The following LIN28B variants were observed in gnomAD, a reference collection of about 807,000 sequenced individuals.
LIN28B encodes protein lin-28 homolog B.
LIN28B carries 5 observed loss-of-function variants against 21.9 expected under a neutral mutation model. That is an observed-to-expected ratio of 0.23 (90% CI 0.12 to 0.48). LIN28B has a LOEUF of 0.48. LIN28B is among the 20% of genes least tolerant of loss of function. LIN28B has a pLI of 0.98. For missense variants in LIN28B, 245 were observed against 310.5 expected (o/e 0.79, Z 1.58); for synonymous variants, 109 against 111.3 (o/e 0.98, Z 0.13).
intron 3 of LIN28B, chr6:104,950,623 C>A (rs1778210045): frequency 1.8e-6 from 1 of 557,494 alleles, no homozygotes; most frequent in Non-Finnish European, 2.7e-6. Flanking sequence ...ATCCTTTCTA[C>A]TTTGGCAAGA....
chr6:104,958,763 T>C (rs1441089598), intron 2 of LIN28B, among the ~76,000 whole-genome samples: 2 of 152,202 alleles, frequency 1.3e-5, no homozygotes, highest in Admixed American at 1.3e-4. Flanking sequence ...TCGCTGCCTG[T>C]CCTGTAATCA....
chr6:105,063,816 G>A (rs1012790451), intron 3 of LIN28B, among the ~76,000 whole-genome samples: 2 of 148,462 alleles, frequency 1.3e-5, no homozygotes, highest in Admixed American at 6.9e-5. Context: ...AGTCCAGCCT[G>A]GGCAACATAG....
At chr6:104,966,261 T>G (rs1582868533) in intron 2 of LIN28B, among the ~76,000 whole-genome samples, 1 of 152,214 alleles carries the variant, frequency 6.6e-6, no homozygotes, top group East Asian at 1.9e-4. Context: ...GGCTGGTCAC[T>G]TCCAGGGAGC....
At chr6:105,043,985 C>T (rs770413366) in intron 3 of LIN28B, among the ~76,000 whole-genome samples, 9 of 152,084 alleles carry the variant, frequency 5.9e-5, no homozygotes, top group African/African-American at 2.2e-4. Flanking sequence ...ATAACTATAT[C>T]CTCTATGATA....
chr6:105,070,953 T>C (rs183584822), intron 3 of LIN28B, among the ~76,000 whole-genome samples: 1 of 152,242 alleles, frequency 6.6e-6, no homozygotes, highest in Admixed American at 6.5e-5. Context: ...CTCAGCTCAC[T>C]GCAACCTCTG....
At chr6:105,040,907 C>G (rs149246) in intron 3 of LIN28B, among the ~76,000 whole-genome samples, 1 of 151,738 alleles carries the variant, frequency 6.6e-6, no homozygotes, top group Admixed American at 6.6e-5. Context: ...TTATTTATTT[C>G]TTTTATTTTT....
At chr6:104,948,389 C>T (rs1299828027) in intron 2 of LIN28B, among the ~76,000 whole-genome samples, 1 of 152,158 alleles carries the variant, frequency 6.6e-6, no homozygotes, top group Non-Finnish European at 1.5e-5. Context: ...ATCGCTTAAA[C>T]CCAGGAGGCA....
chr6:105,024,284 G>T (rs1050164982), intron 2 of LIN28B, among the ~76,000 whole-genome samples: 24 of 151,964 alleles, frequency 1.6e-4, no homozygotes, highest in Admixed American at 1.4e-3. Context: ...GAGCTACCGC[G>T]CTTAGCCCAG....
intron 3 of LIN28B, among the ~76,000 whole-genome samples, chr6:105,056,746 G>C (rs1201000920): frequency 2.6e-5 from 4 of 152,096 alleles, no homozygotes; most frequent in African/African-American, 9.7e-5. Context: ...CCAGTATCCT[G>C]TCCCAAGAAT....
chr6:105,004,688 G>A (rs759212179), intron 2 of LIN28B, among the ~76,000 whole-genome samples: 4 of 152,004 alleles, frequency 2.6e-5, no homozygotes, highest in South Asian at 2.1e-4. Flanking sequence ...CAACTTTTAG[G>A]GTTATAATTG....
At position 105,008,843 on chromosome 6, in the gene LIN28B, G is replaced by T. The variant is rs193222289; in HGVS notation, c.199-17455G>T. Among the ~76,000 whole-genome samples the T allele has an allele frequency of 2.5e-3, 382 of 152,084 alleles. 8 individuals carry two copies. The highest frequency in any genetic ancestry group is 0.023 in the Admixed American group (354 of 15,270). ...TTTCTTTTTAAATGTCCTGATTTTG[G>T]TTAAAAACAAAAAGGAAACCACTTC... is the stretch of plus-strand genomic sequence containing the variant. On this transcript the variant is annotated intron_variant, in intron 2 of 3. Coordinates refer to ENST00000345080, the MANE Select transcript of LIN28B (RefSeq NM_001004317.4).
chr6:104,956,650 A>G (rs1182398733), upstream of LIN28B, among the ~76,000 whole-genome samples: 1 of 152,202 alleles, frequency 6.6e-6, no homozygotes, highest in Non-Finnish European at 1.5e-5. Flanking sequence ...TGAATTAAAT[A>G]TGAAATTAGC....
rs190603878 is a variant in LIN28B, at chr6:104,971,749, A to C, written c.198+13463A>C. On this transcript the variant is annotated intron_variant, in intron 2 of 3. Coordinates refer to ENST00000345080, the MANE Select transcript of LIN28B (RefSeq NM_001004317.4). ...GTTTCAACTTCTGTTTACTTAGTTA[A>C]ATTTAAATTTTTATTGATATTTTAA... Among the ~76,000 whole-genome samples the C allele has an allele frequency of 5.9e-3, 901 of 152,198 alleles. 7 individuals carry two copies. The highest frequency in any genetic ancestry group is 0.021 in the African/African-American group (853 of 41,540).
chr6:105,072,837 A>C (rs1188329949), intron 3 of LIN28B, among the ~76,000 whole-genome samples: 3 of 152,200 alleles, frequency 2.0e-5, no homozygotes, highest in Non-Finnish European at 4.4e-5. Flanking sequence ...ACTATTAAAG[A>C]GACTTACTAG....
At chr6:104,948,382 G>T (rs996726683) in intron 2 of LIN28B, among the ~76,000 whole-genome samples, 1 of 152,092 alleles carries the variant, frequency 6.6e-6, no homozygotes, top group East Asian at 1.9e-4. Context: ...CAGGAGAATC[G>T]CTTAAACCCA....
intron 2 of LIN28B, among the ~76,000 whole-genome samples, chr6:104,997,519 T>C (rs1157312810): frequency 6.6e-6 from 1 of 151,614 alleles, no homozygotes; most frequent in African/African-American, 2.4e-5. Context: ...TATAATATAG[T>C]ACCAACAAAA....
At position 105,026,360 on chromosome 6, in the gene LIN28B, TA is replaced by T; in HGVS notation, c.267del (p.Lys89AsnfsTer11). 1 of 1,612,012 alleles carries T rather than the reference TA, an allele frequency of 6.2e-7. No homozygotes were observed. ...AAGGAGAACCAGTGGAATTCACATT[TA>T]AAAAATCTTCCAAAGGCCTTGAGTC... ...KEGEPVEFTF[K>X]KSSKGLESIR... On this transcript the variant is annotated frameshift_variant, in exon 3 of 4. Coordinates refer to ENST00000345080, the MANE Select transcript of LIN28B (RefSeq NM_001004317.4). LOFTEE classifies it high-confidence loss of function.
chr6:105,041,191 T>C (rs160594), intron 3 of LIN28B, among the ~76,000 whole-genome samples: 120,313 of 152,120 alleles, frequency 0.79, 47,719 homozygotes, highest in East Asian at 0.96. Flanking sequence ...GGATTACAGG[T>C]GTGAGCCACC....
chr6:104,949,613 T>G (rs920767974), intron 2 of LIN28B, among the ~76,000 whole-genome samples: 1 of 152,194 alleles, frequency 6.6e-6, no homozygotes, highest in Admixed American at 6.5e-5. Context: ...AAAACTTAGT[T>G]AAGGAAAGAC....
Sources: gnomAD v4.1 joint callset for allele counts (sites outside exome capture counted in the v4.1 genomes callset) on GRCh38, gnomAD v4.1.1 for gene constraint, MANE v1.5 for transcripts, NCBI Gene and HGNC (gene_info 2026-07-23, HGNC 2026-07-21) for gene names.